Variants in DLGAP2 observed in about 807,000 individuals in gnomAD.
DLGAP2 encodes DLG associated protein 2.
Under a neutral mutation model 100.3 loss-of-function variants are expected in DLGAP2, and 26 were observed. The observed-to-expected ratio is 0.26, with a 90% CI of 0.19 to 0.36. The LOEUF (loss-of-function observed/expected upper bound fraction) is 0.36, where lower values mean the gene tolerates loss of function less well. DLGAP2 is among the 10% of genes least tolerant of loss of function. The pLI, the probability that DLGAP2 is intolerant of heterozygous loss-of-function variation, is 1.00. For synonymous variants in DLGAP2, 886 were observed against 630.1 expected, an observed-to-expected ratio of 1.41 and a Z score of -6.08; for missense variants, 1,858 against 1,453.2, an observed-to-expected ratio of 1.28 and a Z score of -4.53.
intron 2 of DLGAP2, among the ~76,000 whole-genome samples, chr8:1,164,067 G>T (rs1305274632): frequency 6.8e-6 from 1 of 146,860 alleles, no homozygotes; most frequent in Non-Finnish European, 1.5e-5. Context: ...GGCTGACGCT[G>T]GCGCCGTCTT....
intron 2 of DLGAP2, among the ~76,000 whole-genome samples, chr8:983,744 G>C (rs1800408334): frequency 6.6e-6 from 1 of 152,048 alleles, no homozygotes; most frequent in Admixed American, 6.5e-5. Context: ...CCAGGCTCAA[G>C]CAATCCTTTC....
chr8:1,116,232 TG>T (rs1469207030), intron 2 of DLGAP2, among the ~76,000 whole-genome samples: 1 of 152,172 alleles, frequency 6.6e-6, no homozygotes, highest in African/African-American at 2.4e-5. Flanking sequence ...CCCGTTCATC[TG>T]GGTCCTGACA....
At chr8:748,651 G>A (rs548183438) in intron 1 of DLGAP2, among the ~76,000 whole-genome samples, 4 of 152,258 alleles carry the variant, frequency 2.6e-5, no homozygotes, top group South Asian at 2.1e-4. Context: ...CCAGCCCTGC[G>A]GTGCTGTGAA....
intron 2 of DLGAP2, among the ~76,000 whole-genome samples, chr8:1,142,762 G>T (rs964054308): frequency 1.3e-5 from 2 of 152,106 alleles, no homozygotes; most frequent in African/African-American, 4.8e-5. Flanking sequence ...CATGGGGAGG[G>T]TGAGGGGAGG....
intron 4 of DLGAP2, 46 bp downstream of exon 4, chr8:1,501,477 C>T (rs1366424184): frequency 6.6e-7 from 1 of 1,525,404 alleles, no homozygotes; most frequent in African/African-American, 1.4e-5. Context: ...CCGGACAGAA[C>T]CGGGCATGCT....
At chr8:1,556,084 G>C (rs1015740489) in intron 5 of DLGAP2, among the ~76,000 whole-genome samples, 1 of 152,226 alleles carries the variant, frequency 6.6e-6, no homozygotes, top group Non-Finnish European at 1.5e-5. Context: ...TGGTGACTGG[G>C]TGCAGAAACC....
rs886532187 is a variant in DLGAP2 at position 924,449 on chromosome 8, T to C, written c.73+16483T>C. 3.9e-5 allele frequency among the ~76,000 whole-genome samples: 6 copies of C among 152,096 alleles called. No homozygotes were observed. In the East Asian group the frequency reaches 5.8e-4, roughly 15 times the overall value. On this transcript the variant is annotated intron_variant, in intron 2 of 14. Transcript: ENST00000637795. ...TTGTGGGGTCCTGTTGTGTGGTGACTGTTAGGGCAGGACTGTAAGCCCGGT... is the reference window on the plus strand; with the variant it reads ...TTGTGGGGTCCTGTTGTGTGGTGACCGTTAGGGCAGGACTGTAAGCCCGGT...
intron 1 of DLGAP2, among the ~76,000 whole-genome samples, chr8:862,842 G>A (rs1297926413): frequency 1.3e-5 from 2 of 152,140 alleles, no homozygotes; most frequent in African/African-American, 2.4e-5. Flanking sequence ...GGGACTGTGG[G>A]AGGTCTCTGA....
rs553593053 is a variant in DLGAP2, at chr8:1,031,106, G to A, written c.73+123140G>A. On this transcript the variant is annotated intron_variant, in intron 2 of 14. Transcript: ENST00000637795. ...GTCTGCGGGAGAAGCTTCTCAGCAG[G>A]TGCTGGTATTGCGTCTTACGAGTTC... Among the ~76,000 whole-genome samples the A allele has an allele frequency of 2.4e-3, 359 of 152,334 alleles. 2 individuals carry two copies. The highest frequency in any genetic ancestry group is 8.2e-3 in the African/African-American group (339 of 41,574).
chr8:1,694,037 AT>A (rs1223568506), intron 13 of DLGAP2, among the ~76,000 whole-genome samples: 30 of 152,224 alleles, frequency 2.0e-4, no homozygotes, highest in African/African-American at 7.0e-4. Flanking sequence ...CAAGGTGCAT[AT>A]TCAGACCTGC....
In DLGAP2 at chr8:1,370,124, G is replaced by A. The variant is rs77954160; in HGVS notation, c.106+111241G>A. 5.2e-4 allele frequency among the ~76,000 whole-genome samples: 79 copies of A among 152,280 alleles called. 1 individual carries two copies. The East Asian group carries it at 0.014, about 26-fold the overall frequency. On this transcript the variant is annotated intron_variant, in intron 3 of 14. Transcript: ENST00000637795. ...CTCCCACAGGTCTTCGGATATTTAT[G>A]ACAATTGGAAAGGTCTTCCTCGAAT...
intron 8 of DLGAP2, among the ~76,000 whole-genome samples, chr8:1,658,879 A>G (rs775618533): frequency 2.0e-5 from 3 of 151,218 alleles, no homozygotes; most frequent in Non-Finnish European, 4.4e-5. Flanking sequence ...CTAGCTTTTG[A>G]GTTTGTTTGA....
intron 3 of DLGAP2, among the ~76,000 whole-genome samples, chr8:1,382,485 C>T (rs1224190292): frequency 1.3e-5 from 2 of 152,180 alleles, no homozygotes; most frequent in African/African-American, 4.8e-5. Flanking sequence ...GCTGTAATTG[C>T]AGCGCTTTGG....
In DLGAP2 at chr8:1,254,350, A is replaced by G. The variant is rs1585195628; in HGVS notation, c.74-4501A>G. On this transcript the variant is annotated intron_variant, in intron 2 of 14. Transcript: ENST00000637795. ...CGTGGTCTCCTCCACGTGGGAGGCC[A>G]GAGTGGATCCCACAGTTCCTGACAT... Among the ~76,000 whole-genome samples the G allele has an allele frequency of 2.0e-5, 3 of 152,258 alleles. No homozygotes were observed. The South Asian group carries it at 6.2e-4, about 32-fold the overall frequency.
rs796770369 is a variant in DLGAP2, at chr8:1,626,071, G to A, written c.1443-669G>A. On this transcript the variant is annotated intron_variant, in intron 6 of 14. Coordinates refer to ENST00000637795, the MANE Select transcript of DLGAP2 (RefSeq NM_001346810.2). ...TGGGTTGGATGGCTTTCCCATCTCTGGCCTGTGGCGGGTGCTCAGCCTCTG... is the reference window on the plus strand; with the variant it reads ...TGGGTTGGATGGCTTTCCCATCTCTAGCCTGTGGCGGGTGCTCAGCCTCTG... Among the ~76,000 whole-genome samples the A allele has an allele frequency of 3.0e-3, 328 of 108,572 alleles. 117 individuals are homozygous for A. The highest frequency in any genetic ancestry group is 0.014 in the African/African-American group (289 of 20,632). 71.2% of individuals were successfully genotyped at this position (108,572 alleles called of 152,430 possible).
chr8:1,163,663 G>A (rs920630307), intron 2 of DLGAP2, among the ~76,000 whole-genome samples: 1 of 152,118 alleles, frequency 6.6e-6, no homozygotes, highest in Non-Finnish European at 1.5e-5. Flanking sequence ...GGGGAGGGCC[G>A]GGGATCGAGA....
At chr8:757,559 G>A (rs761127215) in intron 1 of DLGAP2, among the ~76,000 whole-genome samples, 68 of 152,218 alleles carry the variant, frequency 4.5e-4, no homozygotes, top group Non-Finnish European at 7.9e-4. Flanking sequence ...ATTTGGACCC[G>A]GCCATACCCT....
intron 2 of DLGAP2, among the ~76,000 whole-genome samples, chr8:1,180,890 A>G (rs1797372793): frequency 6.9e-6 from 1 of 145,526 alleles, no homozygotes; most frequent in Non-Finnish European, 1.5e-5. Flanking sequence ...GTGTAAGGGC[A>G]GTACACTTAC....
At chr8:1,468,019 C>G (rs778317863) in intron 3 of DLGAP2, among the ~76,000 whole-genome samples, 4 of 152,266 alleles carry the variant, frequency 2.6e-5, no homozygotes, top group African/African-American at 9.6e-5. Flanking sequence ...AAGAGAGAAT[C>G]TTTGTGCTGC....
Sources: gnomAD v4.1 joint callset for allele counts (sites outside exome capture counted in the v4.1 genomes callset) on GRCh38, gnomAD v4.1.1 for gene constraint, MANE v1.5 for transcripts, NCBI Gene and HGNC (gene_info 2026-07-23, HGNC 2026-07-21) for gene names.